Variants in CDH12 observed in about 807,000 individuals in gnomAD.
CDH12 encodes cadherin-12.
A neutral mutation model predicts 74.1 loss-of-function variants in CDH12; 41 were observed. The observed-to-expected ratio is 0.55, with a 90% CI of 0.43 to 0.72. The LOEUF (loss-of-function observed/expected upper bound fraction) is 0.72. Among genes scored for constraint, CDH12 ranks in the 30% least tolerant of loss-of-function variants. The pLI, the probability that CDH12 is intolerant of heterozygous loss-of-function variation, is 0.00. For missense variants in CDH12, 945 were observed against 977.2 expected, an observed-to-expected ratio of 0.97 and a Z score of 0.44; for synonymous variants, 399 against 355.0, an observed-to-expected ratio of 1.12 and a Z score of -1.39.
intron 1 of CDH12, among the ~76,000 whole-genome samples, chr5:22,558,859 C>A (rs150027389): frequency 6.6e-6 from 1 of 151,728 alleles, no homozygotes; most frequent in Admixed American, 6.6e-5. Flanking sequence ...GAAGGGAAAG[C>A]GAGATGAACA....
intron 2 of CDH12, among the ~76,000 whole-genome samples, chr5:22,444,108 G>A (rs546072085): frequency 1.3e-5 from 2 of 151,942 alleles, no homozygotes; most frequent in Non-Finnish European, 1.5e-5. Context: ...AAAATATCCA[G>A]TTAAAATTAC....
At chr5:21,790,406 T>A (rs1003598521) in intron 10 of CDH12, among the ~76,000 whole-genome samples, 3 of 152,140 alleles carry the variant, frequency 2.0e-5, no homozygotes, top group African/African-American at 7.2e-5. Context: ...TTTAATTTTT[T>A]AGTTCATTCA....
chr5:22,398,776 C>T (rs1009306794), intron 3 of CDH12, among the ~76,000 whole-genome samples: 3 of 152,026 alleles, frequency 2.0e-5, no homozygotes, highest in Non-Finnish European at 4.4e-5. Flanking sequence ...TTCTTCTCTT[C>T]CACCAACAGA....
intron 5 of CDH12, among the ~76,000 whole-genome samples, chr5:22,014,198 T>C (rs1435947181): frequency 6.6e-6 from 1 of 152,070 alleles, no homozygotes; most frequent in Non-Finnish European, 1.5e-5. Flanking sequence ...CTGCACTCCA[T>C]CCAGCCTGGG....
chr5:22,826,034 T>C (rs754227604), intron 1 of CDH12, among the ~76,000 whole-genome samples: 3 of 152,190 alleles, frequency 2.0e-5, no homozygotes, highest in Admixed American at 2.0e-4. Flanking sequence ...GCCAGTGTAC[T>C]AGAGGACATA....
At chr5:22,021,651 A>G (rs1487245292) in intron 5 of CDH12, among the ~76,000 whole-genome samples, 1 of 152,240 alleles carries the variant, frequency 6.6e-6, no homozygotes, top group Non-Finnish European at 1.5e-5. Context: ...GAGATATTAA[A>G]TACTTTATTA....
At chr5:22,534,572 T>C (rs1035626520) in intron 1 of CDH12, among the ~76,000 whole-genome samples, 1 of 152,116 alleles carries the variant, frequency 6.6e-6, no homozygotes, top group Non-Finnish European at 1.5e-5. Context: ...TGAAGACCTG[T>C]CACTCTGCTG....
chr5:22,766,556 C>T (rs967883318), intron 1 of CDH12, among the ~76,000 whole-genome samples: 1 of 151,948 alleles, frequency 6.6e-6, no homozygotes, highest in Non-Finnish European at 1.5e-5. Context: ...GAAGTACATT[C>T]CAGTGGAGAA....
rs546598099 is a variant in CDH12, at chr5:22,445,386, C to T, written c.-427-40035G>A. ...CAAAATACAGTTTTATTTTCCCCTGCCCACCTCCCATATTGCCAAAGTAAA... is the reference window on the plus strand; with the variant it reads ...CAAAATACAGTTTTATTTTCCCCTGTCCACCTCCCATATTGCCAAAGTAAA... On this transcript the variant is annotated intron_variant, in intron 2 of 14. Transcript: ENST00000382254. 2.4e-3 allele frequency among the ~76,000 whole-genome samples: 371 copies of T among 152,172 alleles called. 2 individuals are homozygous for T. The highest frequency in any genetic ancestry group is 4.3e-3 in the Non-Finnish European group (295 of 67,992).
intron 1 of CDH12, among the ~76,000 whole-genome samples, chr5:22,524,804 T>C (rs1486805197): frequency 1.3e-5 from 2 of 151,682 alleles, no homozygotes; most frequent in Middle Eastern, 3.2e-3. Flanking sequence ...TTTATTTTTA[T>C]TTTTATTTAT....
intron 12 of CDH12, among the ~76,000 whole-genome samples, chr5:21,763,882 A>G (rs2149874793): frequency 6.6e-6 from 1 of 152,340 alleles, no homozygotes; most frequent in African/African-American, 2.4e-5. Flanking sequence ...CTTCATAAGA[A>G]AAATGAAAGT....
intron 4 of CDH12, among the ~76,000 whole-genome samples, chr5:22,185,827 A>G (rs930704687): frequency 2.3e-4 from 35 of 152,362 alleles, no homozygotes; most frequent in African/African-American, 8.2e-4. Context: ...AAAGATTTAT[A>G]TCTATATGCC....
chr5:21,771,589 A>G (rs771789823), intron 11 of CDH12, among the ~76,000 whole-genome samples: 1 of 152,100 alleles, frequency 6.6e-6, no homozygotes, highest in Non-Finnish European at 1.5e-5. Flanking sequence ...GTCTGGGTTA[A>G]GATTAGGGGT....
At chr5:22,244,719 GAGAA>G (rs1455708596) in intron 3 of CDH12, among the ~76,000 whole-genome samples, 1 of 131,216 alleles carries the variant, frequency 7.6e-6, no homozygotes. Context: ...GAAAGAGAGA[GAGAA>G]AGAAAAAGAA....
At chr5:22,043,578 G>A (rs1428347668) in intron 5 of CDH12, among the ~76,000 whole-genome samples, 1 of 151,932 alleles carries the variant, frequency 6.6e-6, no homozygotes, top group Non-Finnish European at 1.5e-5. Flanking sequence ...CACAGGACTG[G>A]AAGTCCTAGC....
intron 8 of CDH12, among the ~76,000 whole-genome samples, chr5:21,819,691 A>G (rs1748257466): frequency 6.6e-6 from 1 of 152,050 alleles, no homozygotes; most frequent in East Asian, 1.9e-4. Context: ...TTAGGGGTAA[A>G]CATTATCAAG....
At chr5:22,238,984 G>T (rs956656354) in intron 3 of CDH12, among the ~76,000 whole-genome samples, 7 of 152,048 alleles carry the variant, frequency 4.6e-5, no homozygotes, top group Middle Eastern at 3.2e-3. Flanking sequence ...TTTCTCCTGG[G>T]ATCTCTTTAG....
At chr5:22,165,107 A>C (rs1280510070) in intron 4 of CDH12, among the ~76,000 whole-genome samples, 3 of 151,798 alleles carry the variant, frequency 2.0e-5, no homozygotes, top group African/African-American at 7.3e-5. Context: ...TTCTGAACAC[A>C]GCAGCCAAAG....
chr5:21,825,993 T>G (rs1748650667), intron 8 of CDH12, among the ~76,000 whole-genome samples: 1 of 152,174 alleles, frequency 6.6e-6, no homozygotes, highest in Non-Finnish European at 1.5e-5. Context: ...TCTGTTTAGT[T>G]GTTCTGAGTT....
Sources: gnomAD v4.1 joint callset for allele counts (sites outside exome capture counted in the v4.1 genomes callset) on GRCh38, gnomAD v4.1.1 for gene constraint, MANE v1.5 for transcripts, NCBI Gene and HGNC (gene_info 2026-07-23, HGNC 2026-07-21) for gene names.